PHACTR1: variants seen among roughly 807,000 people sequenced by gnomAD.
PHACTR1 encodes the protein RPEL repeat containing 1.
In PHACTR1, 16 loss-of-function variants were observed where a neutral mutation model predicts 69.2. The ratio of observed to expected loss-of-function variants is 0.23; its 90% CI spans 0.16 to 0.35. PHACTR1 has a LOEUF of 0.35. Among genes scored for constraint, PHACTR1 ranks in the 10% least tolerant of loss-of-function variants. The pLI, the probability that PHACTR1 is intolerant of heterozygous loss-of-function variation, is 1.00. For missense variants in PHACTR1, 510 were observed against 734.7 expected (o/e 0.69, Z 3.54); for synonymous variants, 312 against 284.5 (o/e 1.10, Z -0.97).
chr6:12,947,107 C>T (rs1425451469), intron 4 of PHACTR1, among the ~76,000 whole-genome samples: 5 of 150,318 alleles, frequency 3.3e-5, no homozygotes, highest in South Asian at 2.1e-4. Context: ...TATGCCCGGC[C>T]GATGGTGCTG....
chr6:13,195,779 A>AAAAAAAAAAAAAAAAAG (rs201554952), intron 7 of PHACTR1, among the ~76,000 whole-genome samples: 59 of 118,580 alleles, frequency 5.0e-4, no homozygotes, highest in African/African-American at 9.4e-4. Context: ...AAAAAAAAAA[A>AAAAAAAAAAAAAAAAAG]AGTTCATTTG....
At chr6:13,150,232 C>G (rs186420102) in intron 5 of PHACTR1, among the ~76,000 whole-genome samples, 145 of 152,226 alleles carry the variant, frequency 9.5e-4, no homozygotes, top group Non-Finnish European at 1.7e-3. Flanking sequence ...GTCCCAGCAA[C>G]TTGGGAGGCT....
intron 4 of PHACTR1, among the ~76,000 whole-genome samples, chr6:12,819,544 TA>T (rs1775972717): frequency 6.6e-6 from 1 of 152,150 alleles, no homozygotes; most frequent in African/African-American, 2.4e-5. Context: ...ATTTGGGCAA[TA>T]AAAACAACTT....
intron 5 of PHACTR1, among the ~76,000 whole-genome samples, chr6:13,106,029 T>C (rs1187792870): frequency 6.6e-6 from 1 of 152,200 alleles, no homozygotes; most frequent in African/African-American, 2.4e-5. Context: ...GTAGGTTGAT[T>C]TATGACTACT....
chr6:12,962,076 A>G (rs1416899195), intron 4 of PHACTR1, among the ~76,000 whole-genome samples: 1 of 152,008 alleles, frequency 6.6e-6, no homozygotes. Context: ...CCACAGGGGT[A>G]TGACACCACC....
chr6:12,760,343 C>A (rs1767887087), intron 4 of PHACTR1, among the ~76,000 whole-genome samples: 1 of 152,136 alleles, frequency 6.6e-6, no homozygotes, highest in Non-Finnish European at 1.5e-5. Flanking sequence ...AAGTCACCCC[C>A]AGACTTAGAA....
At chr6:12,973,866 A>G (rs899329377) in intron 4 of PHACTR1, among the ~76,000 whole-genome samples, 1 of 152,060 alleles carries the variant, frequency 6.6e-6, no homozygotes, top group East Asian at 1.9e-4. Context: ...CCATCTTTAA[A>G]CAAATAAACA....
At chr6:12,984,667 C>A (rs1795907877) in intron 4 of PHACTR1, among the ~76,000 whole-genome samples, 1 of 152,206 alleles carries the variant, frequency 6.6e-6, no homozygotes, top group South Asian at 2.1e-4. Context: ...CCTGGTTACA[C>A]CTTTCATTTA....
intron 5 of PHACTR1, among the ~76,000 whole-genome samples, chr6:13,091,237 G>A (rs1347490728): frequency 1.3e-5 from 2 of 152,108 alleles, no homozygotes; most frequent in Non-Finnish European, 1.5e-5. Flanking sequence ...GACCTCGGGT[G>A]ATCCACCCAC....
chr6:12,950,288 A>T (rs112239423), intron 4 of PHACTR1, among the ~76,000 whole-genome samples: 1 of 152,190 alleles, frequency 6.6e-6, no homozygotes, highest in Non-Finnish European at 1.5e-5. Context: ...CTGTCATCTG[A>T]AGGCTTCAAA....
chr6:12,864,683 A>G (rs1490828836), intron 4 of PHACTR1, among the ~76,000 whole-genome samples: 1 of 10,258 alleles, frequency 9.7e-5, no homozygotes, highest in Non-Finnish European at 3.3e-4. Flanking sequence ...CTGTCTCATA[A>G]AGAAAAAAAA....
chr6:12,824,961 G>T (rs1247436139), intron 4 of PHACTR1, among the ~76,000 whole-genome samples: 2 of 152,096 alleles, frequency 1.3e-5, no homozygotes, highest in Admixed American at 6.5e-5. Context: ...CAATGGAAAA[G>T]GTATTAAGTT....
intron 4 of PHACTR1, among the ~76,000 whole-genome samples, chr6:12,848,166 C>T (rs1419294695): frequency 2.0e-5 from 3 of 152,074 alleles, no homozygotes; most frequent in Non-Finnish European, 4.4e-5. Context: ...ATCAATAGCA[C>T]GTATTGGTTA....
chr6:13,059,912 G>T (rs561087621), intron 5 of PHACTR1, among the ~76,000 whole-genome samples: 29 of 152,110 alleles, frequency 1.9e-4, no homozygotes, highest in Non-Finnish European at 4.1e-4. Flanking sequence ...AATAATTAGA[G>T]TGATGACTAG....
rs569018395 is a variant in PHACTR1, at chr6:13,205,876, A to G, written c.726A>G (p.Pro242=). The change falls in exon 8 of 15, where the codon CCA becomes CCG. Residue 242 remains proline, a synonymous_variant. Coordinates refer to ENST00000332995, the MANE Select transcript of PHACTR1 (RefSeq NM_030948.6). ...LPVKLSPPLP[P]KKVMICMPVG... is the part of the protein sequence containing the mutation. ...TGAAACTGTCGCCTCCGCTACCTCC[A>G]AAGAAAGTCATGATCTGTATGCCCG... is the stretch of plus-strand genomic sequence containing the variant. The G allele has an allele frequency of 5.6e-6, 9 of 1,603,846 alleles. No individual in the cohort carries two copies. The South Asian group carries it at 7.7e-5, about 14-fold the overall frequency.
intron 5 of PHACTR1, among the ~76,000 whole-genome samples, chr6:13,138,101 G>A (rs919601445): frequency 1.8e-4 from 27 of 152,298 alleles, no homozygotes; most frequent in African/African-American, 5.3e-4. Flanking sequence ...AAATGTAGGA[G>A]TCCTCATAAG....
chr6:13,269,769 G>A (rs928995715), intron 10 of PHACTR1, among the ~76,000 whole-genome samples: 3 of 152,174 alleles, frequency 2.0e-5, no homozygotes, highest in East Asian at 3.8e-4. Context: ...GAGAGGCAGA[G>A]GTTGCAGTGA....
At chr6:13,280,962 A>G in intron 12 of PHACTR1, 1 of 1,289,090 alleles carries the variant, frequency 7.8e-7, no homozygotes, top group Non-Finnish European at 1.0e-6. Context: ...GCCGTTTGTT[A>G]GTGCTGGGGT....
At chr6:12,893,237 C>T (rs1200721343) in intron 4 of PHACTR1, among the ~76,000 whole-genome samples, 3 of 152,144 alleles carry the variant, frequency 2.0e-5, no homozygotes, top group Non-Finnish European at 4.4e-5. Context: ...TAGACAGATG[C>T]GTACAAAGCT....
Sources: allele counts gnomAD v4.1 joint callset (sites outside exome capture counted in the v4.1 genomes callset), GRCh38; gene constraint gnomAD v4.1.1; transcripts MANE v1.5; gene names NCBI Gene and HGNC (gene_info 2026-07-23, HGNC 2026-07-21).